Variants in LYPLA1 observed in about 807,000 individuals in gnomAD.
LYPLA1 encodes the protein lysophospholipase 1, also known as acyl-protein thioesterase 1.
LYPLA1 carries 17 observed loss-of-function variants against 34.0 expected under a neutral mutation model. The observed-to-expected ratio is 0.50, with a 90% CI of 0.34 to 0.75. The LOEUF (loss-of-function observed/expected upper bound fraction) is 0.75, where lower values mean the gene tolerates loss of function less well. Ranked by LOEUF, LYPLA1 falls within the 30% of genes least tolerant of loss-of-function variation. The pLI, the probability that LYPLA1 is intolerant of heterozygous loss-of-function variation, is 0.01. For synonymous variants in LYPLA1, 98 were observed against 100.8 expected (o/e 0.97, Z 0.17); for missense variants, 203 against 288.8 (o/e 0.70, Z 2.15).
intron 2 of LYPLA1, among the ~76,000 whole-genome samples, chr8:54,083,175 C>A (rs570365438): frequency 6.6e-6 from 1 of 152,212 alleles, no homozygotes; most frequent in Non-Finnish European, 1.5e-5. Flanking sequence ...ACTTAAAAAT[C>A]AGAGACAGAA....
At chr8:54,046,187 A>T (rs1284454292), downstream of LYPLA1, among the ~76,000 whole-genome samples, 1 of 152,198 alleles carries the variant, frequency 6.6e-6, no homozygotes, top group East Asian at 1.9e-4. Context: ...TTTTTTAGCC[A>T]ATTAAAACTG....
At chr8:54,081,054 A>C (rs997966007) in intron 2 of LYPLA1, among the ~76,000 whole-genome samples, 3 of 152,202 alleles carry the variant, frequency 2.0e-5, no homozygotes, top group Admixed American at 6.5e-5. Flanking sequence ...TTCACACAGA[A>C]AAGTACAACA....
At chr8:54,054,123 G>C (rs769880893) in intron 6 of LYPLA1, among the ~76,000 whole-genome samples, 64 of 152,182 alleles carry the variant, frequency 4.2e-4, no homozygotes, top group Non-Finnish European at 6.9e-4. Context: ...TGGAGTTACA[G>C]AGGCGTGCAC....
intron 6 of LYPLA1, chr8:54,054,815 A>C (rs1275092533): frequency 7.9e-6 from 3 of 380,688 alleles, no homozygotes; most frequent in Non-Finnish European, 1.4e-5. Context: ...TATCAGTTTT[A>C]ATTAATTAAA....
intron 2 of LYPLA1, among the ~76,000 whole-genome samples, chr8:54,069,193 G>A (rs1017667703): frequency 6.6e-5 from 10 of 152,206 alleles, no homozygotes; most frequent in Non-Finnish European, 8.8e-5. Flanking sequence ...ACTGTTGAGT[G>A]AATATGGTTA....
At chr8:54,094,674 A>G (rs906850350) in intron 2 of LYPLA1, among the ~76,000 whole-genome samples, 4 of 152,200 alleles carry the variant, frequency 2.6e-5, no homozygotes, top group African/African-American at 9.7e-5. Context: ...ACTGTCTACT[A>G]AAAGGAACCA....
intron 2 of LYPLA1, among the ~76,000 whole-genome samples, chr8:54,087,494 T>A (rs947379877): frequency 6.6e-6 from 1 of 152,212 alleles, no homozygotes; most frequent in Admixed American, 6.5e-5. Flanking sequence ...GGCAATACTC[T>A]GTCTGAAACA....
intron 1 of LYPLA1, chr8:54,101,366 T>G (rs761096702): frequency 1.1e-5 from 12 of 1,051,492 alleles, no homozygotes; most frequent in Non-Finnish European, 1.4e-5. Flanking sequence ...GGACACTCAA[T>G]CTTCAAACTT....
Position 54,047,815 on chromosome 8 carries a change from AAAG to A in LYPLA1, c.*247_*249del. ...ATTTTGCTGAATTACATTTGAGAAA[AAAG>A]AAGCTACCTGCTTCATCTATTCTAA... On this transcript the variant is annotated 3_prime_UTR_variant, in exon 9 of 9. Coordinates refer to ENST00000316963, the MANE Select transcript of LYPLA1 (RefSeq NM_006330.4). 1 of 356,076 alleles carries A rather than the reference AAAG, an allele frequency of 2.8e-6. No individual in the cohort carries two copies. The highest frequency in any genetic ancestry group is 5.0e-6 in the Non-Finnish European group (1 of 199,234). The allele number at this position is 356,076 out of a possible 1,614,324, so 22.1% of individuals were successfully genotyped here. A position where few individuals can be genotyped will look rare whatever the true frequency, so the allele number is the denominator to read the frequency against.
At chr8:54,077,111 G>A (rs903592605) in intron 2 of LYPLA1, among the ~76,000 whole-genome samples, 5 of 151,898 alleles carry the variant, frequency 3.3e-5, no homozygotes, top group South Asian at 4.2e-4. Context: ...AGCGGCAAAC[G>A]GGATAAAGAA....
chr8:54,043,768 T>C (rs570990586), downstream of LYPLA1, among the ~76,000 whole-genome samples: 252 of 151,866 alleles, frequency 1.7e-3, no homozygotes, highest in Non-Finnish European at 3.0e-3. Context: ...ACCACCTTGG[T>C]TAGGCTGGTC....
At chr8:54,083,186 A>C (rs1394796658) in intron 2 of LYPLA1, among the ~76,000 whole-genome samples, 1 of 152,228 alleles carries the variant, frequency 6.6e-6, no homozygotes, top group Non-Finnish European at 1.5e-5. Flanking sequence ...AGAGACAGAA[A>C]TTGAAGACAC....
intron 2 of LYPLA1, among the ~76,000 whole-genome samples, chr8:54,076,989 C>G (rs1455081075): frequency 1.3e-5 from 2 of 152,086 alleles, no homozygotes; most frequent in Admixed American, 6.6e-5. Context: ...GGGTTAGGGT[C>G]TCCCTGACAG....
chr8:54,084,369 G>C (rs1055826970), intron 2 of LYPLA1, among the ~76,000 whole-genome samples: 1 of 151,848 alleles, frequency 6.6e-6, no homozygotes, highest in Non-Finnish European at 1.5e-5. Flanking sequence ...TCAGGAGTTA[G>C]AGACCAGCCT....
downstream of LYPLA1, among the ~76,000 whole-genome samples, chr8:54,044,444 A>G (rs1805432964): frequency 1.3e-5 from 2 of 152,160 alleles, no homozygotes; most frequent in Admixed American, 1.3e-4. Context: ...GACCACATAA[A>G]TGGTATATAC....
chr8:54,091,130 G>A (rs34866895), intron 2 of LYPLA1, among the ~76,000 whole-genome samples: 42 of 152,222 alleles, frequency 2.8e-4, no homozygotes, highest in Middle Eastern at 3.4e-3. Flanking sequence ...TCAGCTTCCC[G>A]AAGTGATAGG....
At chr8:54,066,940 C>A (rs1275843478) in intron 2 of LYPLA1, among the ~76,000 whole-genome samples, 6 of 152,124 alleles carry the variant, frequency 3.9e-5, no homozygotes, top group African/African-American at 1.2e-4. Context: ...GAGACTGAAG[C>A]ATGCGGATCA....
At position 54,057,866 on chromosome 8, in the gene LYPLA1, A is replaced by G. The variant is rs550862713; in HGVS notation, c.287-2733T>C. 7.2e-5 allele frequency among the ~76,000 whole-genome samples: 11 copies of G among 152,322 alleles called. 1 individual carries two copies. In the South Asian group the frequency reaches 2.1e-3, roughly 29 times the overall value. On this transcript the variant is annotated intron_variant, in intron 5 of 8. Coordinates refer to ENST00000316963, the MANE Select transcript of LYPLA1 (RefSeq NM_006330.4). ...TGAGGGGATGGACACCCCATTCTCC[A>G]TGATGTGCTTATTTCACATTGCATC...
intron 2 of LYPLA1, chr8:54,073,226 A>G (rs1199902488): frequency 4.9e-6 from 4 of 822,270 alleles, no homozygotes; most frequent in Non-Finnish European, 6.5e-6. Context: ...GAGATACAGG[A>G]CAGTAAGGAA....
Sources: gnomAD v4.1 joint callset for allele counts (sites outside exome capture counted in the v4.1 genomes callset) on GRCh38, gnomAD v4.1.1 for gene constraint, MANE v1.5 for transcripts, NCBI Gene and HGNC (gene_info 2026-07-23, HGNC 2026-07-21) for gene names.